Variants in SPECC1 observed in about 807,000 individuals in gnomAD.
The protein encoded by SPECC1 is sperm antigen with calponin homology and coiled-coil domains 1.
A neutral mutation model predicts 104.1 loss-of-function variants in SPECC1; 62 were observed. That is an observed-to-expected ratio of 0.60 (90% CI 0.49 to 0.74). The LOEUF (loss-of-function observed/expected upper bound fraction) is 0.74, where lower values mean the gene tolerates loss of function less well. Ranked by LOEUF, SPECC1 falls within the 30% of genes least tolerant of loss-of-function variation. The probability of loss-of-function intolerance (pLI) is 0.00; values close to 1 mark genes in which losing one functional copy is unlikely to be tolerated. For missense variants in SPECC1, 1,306 were observed against 1,310.5 expected (o/e 1.00, Z 0.05); for synonymous variants, 513 against 501.6 (o/e 1.02, Z -0.30).
At chr17:20,138,903 T>C (rs761335789) in intron 3 of SPECC1, among the ~76,000 whole-genome samples, 18 of 152,202 alleles carry the variant, frequency 1.2e-4, no homozygotes, top group Non-Finnish European at 1.9e-4. Flanking sequence ...ACCAGTTCTT[T>C]TTTGGTCAAT....
chr17:20,045,470 A>C (rs747001398), intron 1 of SPECC1, among the ~76,000 whole-genome samples: 3 of 152,154 alleles, frequency 2.0e-5, no homozygotes, highest in Admixed American at 6.5e-5. Context: ...GTGGATATTT[A>C]TGTTTTGCCA....
chr17:20,158,677 G>A (rs2032837158), intron 3 of SPECC1, among the ~76,000 whole-genome samples: 2 of 152,244 alleles, frequency 1.3e-5, no homozygotes, highest in African/African-American at 4.8e-5. Flanking sequence ...GCTAACACAA[G>A]TCTTGGGATC....
Position 20,132,712 on chromosome 17 carries a change from G to T in SPECC1, c.283+22150G>T, listed in dbSNP as rs538147640. On this transcript the variant is annotated intron_variant, in intron 3 of 14. Transcript: ENST00000395527. ...TCTAAACTGTCAAATTTTATGTGTA[G>T]TTATTTATTTATTTATTTATTTATT... is the stretch of plus-strand genomic sequence containing the variant. Among the ~76,000 whole-genome samples the T allele has an allele frequency of 4.7e-3, 677 of 144,996 alleles. 6 individuals are homozygous for T. Among genetic ancestry groups the T allele is most frequent in the African/African-American group, 0.016 (645 of 39,122 alleles).
chr17:20,030,708 A>G (rs1442805284), intron 1 of SPECC1, among the ~76,000 whole-genome samples: 1 of 152,126 alleles, frequency 6.6e-6, no homozygotes, highest in Non-Finnish European at 1.5e-5. Flanking sequence ...GAGAATTCAG[A>G]TTACCCTCTG....
Position 20,067,888 on chromosome 17 carries a change from G to A in SPECC1, c.-21-28743G>A, listed in dbSNP as rs1416791778. ...TCCATCGCTCCTTCCCTCATCCTGTGGCAGCCACTCAAGTACTTTCTGTTT... is the reference window on the plus strand; with the variant it reads ...TCCATCGCTCCTTCCCTCATCCTGTAGCAGCCACTCAAGTACTTTCTGTTT... On this transcript the variant is annotated intron_variant, in intron 1 of 14. Transcript: ENST00000395527. Among the ~76,000 whole-genome samples the A allele has an allele frequency of 2.6e-5, 4 of 152,014 alleles. No homozygotes were observed. In the East Asian group the frequency reaches 7.7e-4, roughly 29 times the overall value.
At chr17:20,211,378 A>G (rs2037137251) in intron 4 of SPECC1, among the ~76,000 whole-genome samples, 1 of 152,220 alleles carries the variant, frequency 6.6e-6, no homozygotes, top group Non-Finnish European at 1.5e-5. Context: ...CCCCTGGGCA[A>G]GCCATGAGGA....
intron 12 of SPECC1, among the ~76,000 whole-genome samples, chr17:20,277,596 A>G (rs1359453172): frequency 6.6e-6 from 1 of 151,952 alleles, no homozygotes; most frequent in Non-Finnish European, 1.5e-5. Flanking sequence ...GAAATTTATC[A>G]TTTTAACTAT....
intron 2 of SPECC1, among the ~76,000 whole-genome samples, chr17:20,102,081 C>T (rs989540321): frequency 6.6e-6 from 1 of 152,226 alleles, no homozygotes; most frequent in Non-Finnish European, 1.5e-5. Flanking sequence ...TGCACACCTT[C>T]ATAGGATCTT....
chr17:20,204,272 G>C, intron 3 of SPECC1, 61 bp from the exon 4 acceptor site: 4 of 1,543,212 alleles, frequency 2.6e-6, no homozygotes, highest in Non-Finnish European at 3.5e-6. Context: ...ACAGTCATTT[G>C]GGTTTTGTTT....
intron 7 of SPECC1, chr17:20,237,118 T>C: frequency 7.2e-7 from 1 of 1,392,950 alleles, no homozygotes; most frequent in South Asian, 1.6e-5. Context: ...CTTTTTACTT[T>C]TCCTCAGAAG....
intron 3 of SPECC1, among the ~76,000 whole-genome samples, chr17:20,136,721 C>T (rs1020378221): frequency 1.3e-5 from 2 of 152,116 alleles, no homozygotes; most frequent in Non-Finnish European, 2.9e-5. Flanking sequence ...TCTGCACGTG[C>T]GCATTTTCTC....
At chr17:20,042,957 G>A (rs1486393541) in intron 1 of SPECC1, among the ~76,000 whole-genome samples, 3 of 152,146 alleles carry the variant, frequency 2.0e-5, no homozygotes, top group African/African-American at 7.2e-5. Flanking sequence ...GGGAAGAACA[G>A]GGAAAAGTAT....
intron 3 of SPECC1, among the ~76,000 whole-genome samples, chr17:20,143,149 G>A (rs1004329298): frequency 1.4e-5 from 2 of 148,112 alleles, no homozygotes; most frequent in African/African-American, 5.0e-5. Context: ...AACAACCAGT[G>A]TTTGCCACAG....
At chr17:20,166,139 C>T (rs1260869512) in intron 3 of SPECC1, among the ~76,000 whole-genome samples, 1 of 152,086 alleles carries the variant, frequency 6.6e-6, no homozygotes, top group Non-Finnish European at 1.5e-5. Flanking sequence ...TGAGATAGGA[C>T]CTTTTATATT....
chr17:20,069,287 G>C (rs769294536), intron 1 of SPECC1, among the ~76,000 whole-genome samples: 1 of 152,166 alleles, frequency 6.6e-6, no homozygotes, highest in Non-Finnish European at 1.5e-5. Context: ...ACGTGATCTT[G>C]TTCTTTTTTA....
chr17:20,052,134 T>C (rs547298490), intron 1 of SPECC1, among the ~76,000 whole-genome samples: 1 of 152,350 alleles, frequency 6.6e-6, no homozygotes, highest in African/African-American at 2.4e-5. Context: ...TTAAAAGTTT[T>C]TAAGAAGTTT....
intron 7 of SPECC1, among the ~76,000 whole-genome samples, chr17:20,235,828 G>A (rs571193831): frequency 3.3e-5 from 5 of 152,212 alleles, no homozygotes; most frequent in South Asian, 2.1e-4. Flanking sequence ...TCTGTGATTC[G>A]AATGTGTTTC....
At chr17:20,055,343 G>A (rs954770523) in intron 1 of SPECC1, among the ~76,000 whole-genome samples, 8 of 151,912 alleles carry the variant, frequency 5.3e-5, no homozygotes, top group African/African-American at 1.9e-4. Context: ...CCACTGATGG[G>A]CATTTAGTTG....
intron 14 of SPECC1, 130 bp downstream of exon 14, chr17:20,306,212 T>C (rs557243796): frequency 5.5e-6 from 4 of 728,990 alleles, no homozygotes; most frequent in Non-Finnish European, 9.3e-6. Context: ...CAATACCTAA[T>C]ATAGAGTTAT....
Sources: gnomAD v4.1 joint callset for allele counts (sites outside exome capture counted in the v4.1 genomes callset) on GRCh38, gnomAD v4.1.1 for gene constraint, MANE v1.5 for transcripts, NCBI Gene and HGNC (gene_info 2026-07-23, HGNC 2026-07-21) for gene names.